The following KIAA0825 variants were observed in gnomAD, a reference collection of about 807,000 sequenced individuals.
KIAA0825 encodes uncharacterized protein KIAA0825.
In KIAA0825, 119 loss-of-function variants were observed where a neutral mutation model predicts 147.6. That is an observed-to-expected ratio of 0.81 (90% confidence interval 0.69 to 0.94). KIAA0825 has a LOEUF of 0.94. KIAA0825 is among the 40% of genes least tolerant of loss of function. KIAA0825 has a pLI of 0.00. For synonymous variants in KIAA0825, 470 were observed against 518.1 expected (o/e 0.91, Z 1.26); for missense variants, 1,381 against 1,472.7 (o/e 0.94, Z 1.02).
intron 20 of KIAA0825, among the ~76,000 whole-genome samples, chr5:94,291,846 C>T (rs966146562): frequency 1.3e-5 from 2 of 152,056 alleles, no homozygotes; most frequent in Non-Finnish European, 2.9e-5. Context: ...AAGTTATTTT[C>T]CTAGCTATTT....
At chr5:94,522,487 G>A (rs777992936) in intron 4 of KIAA0825, among the ~76,000 whole-genome samples, 3 of 151,504 alleles carry the variant, frequency 2.0e-5, no homozygotes, top group Non-Finnish European at 4.4e-5. Context: ...GATTACAGAG[G>A]TTTAGAACAT....
chr5:94,286,784 C>T (rs1475796559), intron 20 of KIAA0825, among the ~76,000 whole-genome samples: 1 of 152,058 alleles, frequency 6.6e-6, no homozygotes, highest in Admixed American at 6.6e-5. Context: ...AGCTTTTGTG[C>T]CACACGGAGC....
rs76073125 is a variant in KIAA0825 at position 94,312,584 on chromosome 5, A to G, written c.3710+71784T>C. Reference sequence around the variant, plus strand: ...TCAGACAGCAATGATGACTCAATCTATTATGTCAATAATATGGTGTAAAAA... The same window carrying G: ...TCAGACAGCAATGATGACTCAATCTGTTATGTCAATAATATGGTGTAAAAA... On this transcript the variant is annotated intron_variant, in intron 20 of 20. Transcript: ENST00000682413. Among the ~76,000 whole-genome samples the G allele has an allele frequency of 9.2e-4, 140 of 151,832 alleles. No individual in the cohort carries two copies. In the East Asian group the frequency reaches 0.021, roughly 23 times the overall value.
chr5:94,191,884 A>T (rs1335055744), intron 20 of KIAA0825, among the ~76,000 whole-genome samples: 1 of 152,234 alleles, frequency 6.6e-6, no homozygotes. Flanking sequence ...TGCATATTTT[A>T]TACAGATAAA....
At chr5:94,392,662 T>C (rs1448327328) in intron 17 of KIAA0825, among the ~76,000 whole-genome samples, 2 of 152,230 alleles carry the variant, frequency 1.3e-5, no homozygotes, top group Admixed American at 6.5e-5. Flanking sequence ...ATCAGCTGTA[T>C]ACTGCAGTTC....
intron 1 of KIAA0825, among the ~76,000 whole-genome samples, chr5:94,613,343 C>T (rs558186320): frequency 3.6e-4 from 55 of 152,098 alleles, no homozygotes; most frequent in Non-Finnish European, 6.6e-4. Flanking sequence ...ATTACATGTG[C>T]CCACGACCAC....
chr5:94,321,805 A>C (rs1780224055), intron 20 of KIAA0825, among the ~76,000 whole-genome samples: 1 of 151,968 alleles, frequency 6.6e-6, no homozygotes, highest in Non-Finnish European at 1.5e-5. Flanking sequence ...ACATTGGTTA[A>C]AATCATATTT....
chr5:94,367,280 C>T (rs1486750218), intron 20 of KIAA0825, among the ~76,000 whole-genome samples: 1 of 151,934 alleles, frequency 6.6e-6, no homozygotes, highest in Non-Finnish European at 1.5e-5. Context: ...GTGGATCACC[C>T]GAGGTGAGGA....
At chr5:94,545,244 G>A (rs1043700856) in intron 2 of KIAA0825, among the ~76,000 whole-genome samples, 3 of 152,066 alleles carry the variant, frequency 2.0e-5, no homozygotes, top group Non-Finnish European at 2.9e-5. Flanking sequence ...CACAGGCTGC[G>A]GTGCTCTGGG....
At chr5:94,303,173 G>T (rs1450894336) in intron 20 of KIAA0825, among the ~76,000 whole-genome samples, 2 of 151,686 alleles carry the variant, frequency 1.3e-5, no homozygotes, top group Non-Finnish European at 2.9e-5. Context: ...AGTTTTAATA[G>T]AAATATAATT....
chr5:94,255,984 G>A (rs563931336), intron 20 of KIAA0825, among the ~76,000 whole-genome samples: 1 of 152,078 alleles, frequency 6.6e-6, no homozygotes, highest in African/African-American at 2.4e-5. Flanking sequence ...AAAGTATTGG[G>A]ATTACAGATG....
intron 20 of KIAA0825, among the ~76,000 whole-genome samples, chr5:94,223,393 G>A (rs1458658434): frequency 1.1e-4 from 16 of 152,192 alleles, no homozygotes; most frequent in Admixed American, 5.9e-4. Context: ...TATACCTCAC[G>A]TAGACTATAT....
In KIAA0825 at chr5:94,395,507, A is replaced by G. The variant is rs150098393; in HGVS notation, c.3296+594T>C. On this transcript the variant is annotated intron_variant, in intron 17 of 20. Transcript: ENST00000682413. The stretch of plus-strand genomic sequence containing the variant: ...TTTCAACTCATCAGGGACCCTTAAA[A>G]ATCTTTGCAGTACCACAAATCACTT... 4.3e-3 allele frequency among the ~76,000 whole-genome samples: 650 copies of G among 152,260 alleles called. 4 individuals carry two copies. The highest frequency in any genetic ancestry group is 0.02 in the South Asian group (97 of 4,816).
intron 2 of KIAA0825, among the ~76,000 whole-genome samples, chr5:94,546,025 GCTGACTGA>G: frequency 6.6e-6 from 1 of 152,246 alleles, no homozygotes; most frequent in South Asian, 2.1e-4. Flanking sequence ...TTCACGACAA[GCTGACTGA>G]CTGAAGAGCC....
At chr5:94,428,374 G>A (rs960653190) in intron 14 of KIAA0825, among the ~76,000 whole-genome samples, 1 of 151,978 alleles carries the variant, frequency 6.6e-6, no homozygotes, top group South Asian at 2.1e-4. Flanking sequence ...GTTTTTCTGG[G>A]AACAGGTATC....
At chr5:94,604,598 T>C (rs1787142793) in intron 1 of KIAA0825, among the ~76,000 whole-genome samples, 1 of 151,736 alleles carries the variant, frequency 6.6e-6, no homozygotes. Context: ...CAAAAAACAC[T>C]CAAAAATGAT....
intron 3 of KIAA0825, among the ~76,000 whole-genome samples, chr5:94,534,175 A>C (rs554917079): frequency 3.3e-5 from 5 of 152,336 alleles, no homozygotes; most frequent in Non-Finnish European, 5.9e-5. Context: ...CTGGGAGATA[A>C]ATAGAACTGT....
intron 18 of KIAA0825, among the ~76,000 whole-genome samples, chr5:94,388,746 T>C (rs1010962828): frequency 6.6e-6 from 1 of 152,232 alleles, no homozygotes; most frequent in African/African-American, 2.4e-5. Context: ...CTAACCCTTC[T>C]TAACCTCAGA....
chr5:94,521,971 C>G (rs1768297775), intron 4 of KIAA0825, among the ~76,000 whole-genome samples: 1 of 151,678 alleles, frequency 6.6e-6, no homozygotes, highest in African/African-American at 2.4e-5. Flanking sequence ...CAGGAATTTT[C>G]TCTCATTCAC....
Sources: allele counts gnomAD v4.1 joint callset (sites outside exome capture counted in the v4.1 genomes callset), GRCh38; gene constraint gnomAD v4.1.1; transcripts MANE v1.5; gene names NCBI Gene and HGNC (gene_info 2026-07-23, HGNC 2026-07-21).